The following CDH7 variants were observed in gnomAD, a reference collection of about 807,000 sequenced individuals.
The protein encoded by CDH7 is cadherin-7.
A neutral mutation model predicts 71.8 loss-of-function variants in CDH7; 25 were observed. The ratio of observed to expected loss-of-function variants is 0.35; its 90% CI spans 0.25 to 0.49. The LOEUF (loss-of-function observed/expected upper bound fraction) is 0.49. CDH7 is among the 20% of genes least tolerant of loss of function. The probability of loss-of-function intolerance (pLI) is 0.99; values close to 1 mark genes in which losing one functional copy is unlikely to be tolerated. For synonymous variants in CDH7, 381 were observed against 363.8 expected (o/e 1.05, Z -0.54); for missense variants, 862 against 974.6 (o/e 0.88, Z 1.54).
At chr18:65,781,962 TTCTCTCTCTCTCTC>T (rs575419221) in intron 2 of CDH7, among the ~76,000 whole-genome samples, 3 of 45,936 alleles carry the variant, frequency 6.5e-5, no homozygotes, top group Non-Finnish European at 1.1e-4. Context: ...CTTTCTCTCT[TTCTCTCTCTCTCTC>T]TCTCTCTCTC....
chr18:65,846,600 C>T (rs375502802), intron 7 of CDH7, among the ~76,000 whole-genome samples: 14 of 152,264 alleles, frequency 9.2e-5, no homozygotes, highest in East Asian at 5.8e-4. Context: ...TCACATACTT[C>T]TCTTCCTCTA....
chr18:65,822,138 T>C lies in CDH7; in HGVS notation c.683T>C (p.Leu228Pro), dbSNP rs747775291. ...AGAGAGGCTAAAGACCAGTATTTGCTTGTCATTCAGGCAAAGGATATGGTT... is the reference window on the plus strand; with the variant it reads ...AGAGAGGCTAAAGACCAGTATTTGCCTGTCATTCAGGCAAAGGATATGGTT... ...MDREAKDQYL[L>P]VIQAKDMVGQ... The change falls in exon 5 of 12, where the codon CTT (leucine) becomes CCT (proline). Residue 228 changes from leucine to proline, a missense_variant. Physicochemically the swap from Leu to Pro is moderately conservative, Grantham distance 98. Coordinates refer to ENST00000397968, the MANE Select transcript of CDH7 (RefSeq NM_004361.5). The C allele has an allele frequency of 1.2e-6, 2 of 1,611,582 alleles. No homozygotes were observed. Among genetic ancestry groups the C allele is most frequent in the Non-Finnish European group, 1.7e-6 (2 of 1,177,750 alleles).
At chr18:65,847,630 A>G (rs922959929) in intron 7 of CDH7, among the ~76,000 whole-genome samples, 3 of 152,142 alleles carry the variant, frequency 2.0e-5, no homozygotes, top group African/African-American at 7.2e-5. Flanking sequence ...ACTCTTCTCT[A>G]TGAATCTGCT....
At chr18:65,856,733 T>G (rs556616048) in intron 7 of CDH7, among the ~76,000 whole-genome samples, 1 of 150,154 alleles carries the variant, frequency 6.7e-6, no homozygotes, top group Non-Finnish European at 1.5e-5. Flanking sequence ...ATTTGTTCGT[T>G]TAATTGTTTG....
At chr18:65,763,097 T>A (rs1394777563) in intron 2 of CDH7, 45 bp downstream of exon 2, 2 of 1,358,938 alleles carry the variant, frequency 1.5e-6, no homozygotes, top group Non-Finnish European at 2.0e-6. Flanking sequence ...TTATTGTCCA[T>A]GTCTATGGTT....
At chr18:65,752,997 C>T (rs748691658) in intron 1 of CDH7, among the ~76,000 whole-genome samples, 47 of 152,124 alleles carry the variant, frequency 3.1e-4, no homozygotes, top group Non-Finnish European at 5.9e-4. Context: ...TAGCACAGAG[C>T]TTTTTCCTTT....
rs201809349 is a variant in CDH7 at position 65,766,117 on chromosome 18, G to A, written c.210+3065G>A. On this transcript the variant is annotated intron_variant, in intron 2 of 11. Transcript: ENST00000397968. ...TTTATATTTATTCCAGTTAATTATA[G>A]GAATGTCTATTTTGGGGGAGCTTAA... 3.3e-5 allele frequency among the ~76,000 whole-genome samples: 5 copies of A among 152,104 alleles called. No homozygotes were observed. In the East Asian group the frequency reaches 9.7e-4, roughly 29 times the overall value.
At chr18:65,821,018 T>G (rs1911904810) in intron 4 of CDH7, among the ~76,000 whole-genome samples, 1 of 152,156 alleles carries the variant, frequency 6.6e-6, no homozygotes, top group African/African-American at 2.4e-5. Flanking sequence ...GTTCACATTT[T>G]TTCATATAAA....
intron 2 of CDH7, among the ~76,000 whole-genome samples, chr18:65,788,041 C>T (rs979433254): frequency 1.3e-5 from 2 of 152,130 alleles, no homozygotes; most frequent in African/African-American, 2.4e-5. Context: ...CATATATTAA[C>T]TCTAAGGATC....
intron 11 of CDH7, chr18:65,865,548 G>A (rs1202117173): frequency 6.6e-6 from 1 of 152,072 alleles, no homozygotes; most frequent in East Asian, 1.9e-4. Flanking sequence ...ATACAATTTG[G>A]AACAAGGGGC....
intron 3 of CDH7, 45 bp from the exon 4 acceptor site, chr18:65,814,440 G>A (rs1911650788): frequency 4.3e-6 from 7 of 1,610,214 alleles, no homozygotes; most frequent in Non-Finnish European, 5.9e-6. Flanking sequence ...TTGTTTTGTG[G>A]TATTTGGAAG....
chr18:65,832,220 T>C (rs1033654608), intron 6 of CDH7, among the ~76,000 whole-genome samples: 11 of 7,148 alleles, frequency 1.5e-3, no homozygotes, highest in African/African-American at 1.6e-3. Context: ...TGTACTATTA[T>C]ATTATATGTA....
intron 1 of CDH7, among the ~76,000 whole-genome samples, chr18:65,762,131 T>C (rs1916208481): frequency 6.6e-6 from 1 of 152,174 alleles, no homozygotes; most frequent in Non-Finnish European, 1.5e-5. Context: ...TCAGAATCAA[T>C]CAACCAGTTT....
At chr18:65,758,655 G>C (rs903512169) in intron 1 of CDH7, among the ~76,000 whole-genome samples, 1 of 152,206 alleles carries the variant, frequency 6.6e-6, no homozygotes, top group Non-Finnish European at 1.5e-5. Context: ...TCAAGGTAAA[G>C]ACAATTTAGC....
chr18:65,829,478 A>AAC (rs1568208427), intron 6 of CDH7, among the ~76,000 whole-genome samples: 1 of 151,084 alleles, frequency 6.6e-6, no homozygotes, highest in African/African-American at 2.4e-5. Context: ...AAAAAAAAAA[A>AAC]AAAACTTGTG....
intron 1 of CDH7, among the ~76,000 whole-genome samples, chr18:65,754,159 G>T (rs530223993): frequency 4.6e-5 from 7 of 152,256 alleles, no homozygotes; most frequent in Non-Finnish European, 7.4e-5. Context: ...GTTTCTTCTA[G>T]TTAATTATAA....
At chr18:65,810,558 T>A (rs1490976306) in intron 3 of CDH7, among the ~76,000 whole-genome samples, 1 of 152,190 alleles carries the variant, frequency 6.6e-6, no homozygotes, top group Non-Finnish European at 1.5e-5. Context: ...CTAATTATTT[T>A]AAAATTTTAA....
At chr18:65,840,291 G>T (rs928468979) in intron 6 of CDH7, among the ~76,000 whole-genome samples, 2 of 152,140 alleles carry the variant, frequency 1.3e-5, no homozygotes, top group African/African-American at 2.4e-5. Context: ...GTCACTTGAT[G>T]TATGAAAAAG....
rs35645871 is a variant in CDH7 at position 65,780,918 on chromosome 18, GTTTT to G, written c.210+17882_210+17885del. ...GCCTTGTTTGCCTCTCTCTATTCCT[GTTTT>G]TTTTTTTTTTTTTTTCGGAGAAAAT... On this transcript the variant is annotated intron_variant, in intron 2 of 11. Coordinates refer to ENST00000397968, the MANE Select transcript of CDH7 (RefSeq NM_004361.5). Among the ~76,000 whole-genome samples the G allele has an allele frequency of 2.8e-3, 294 of 104,850 alleles. 1 individual carries two copies. Among genetic ancestry groups the G allele is most frequent in the African/African-American group, 8.6e-3 (277 of 32,206 alleles). The allele number at this position is 104,850 out of a possible 152,430, so 68.8% of individuals were successfully genotyped here.
Sources: gnomAD v4.1 joint callset for allele counts (sites outside exome capture counted in the v4.1 genomes callset) on GRCh38, gnomAD v4.1.1 for gene constraint, MANE v1.5 for transcripts, NCBI Gene and HGNC (gene_info 2026-07-23, HGNC 2026-07-21) for gene names.